ETF1: variants seen among roughly 807,000 people sequenced by gnomAD.
ETF1 encodes the protein eukaryotic peptide chain release factor subunit 1.
ETF1 carries 4 observed loss-of-function variants against 55.1 expected under a neutral mutation model. That is an observed-to-expected ratio of 0.07 (90% CI 0.04 to 0.17). ETF1 has a LOEUF of 0.17. Ranked by LOEUF, ETF1 falls within the 10% of genes least tolerant of loss-of-function variation. ETF1 has a pLI of 1.00. For missense variants in ETF1, 142 were observed against 523.6 expected (o/e 0.27, Z 7.11); for synonymous variants, 157 against 182.3 (o/e 0.86, Z 1.12).
chr5:138,507,318 T>C lies in ETF1; in HGVS notation c.*987A>G, dbSNP rs1375084545. On this transcript the variant is annotated 3_prime_UTR_variant, in exon 11 of 11. Transcript: ENST00000360541. ...GTCGTTCCTGTGAAAAACCTTGCAGTTCATTTTAATAAATCAAAACATTCA... is the reference window on the plus strand; with the variant it reads ...GTCGTTCCTGTGAAAAACCTTGCAGCTCATTTTAATAAATCAAAACATTCA... 2 of 152,626 alleles carry C rather than the reference T, an allele frequency of 1.3e-5. No individual in the cohort carries two copies. Among genetic ancestry groups the C allele is most frequent in the African/African-American group, 2.4e-5 (1 of 41,438 alleles). 9.5% of individuals were successfully genotyped at this position (152,626 alleles called of 1,614,324 possible).
intron 2 of ETF1, among the ~76,000 whole-genome samples, chr5:138,538,668 G>C (rs62382405): frequency 6.6e-6 from 1 of 150,592 alleles, no homozygotes; most frequent in South Asian, 2.1e-4. Flanking sequence ...ACGATAGTGA[G>C]GGAAAAAAAA....
rs556911932 is a variant in ETF1, at chr5:138,534,163, A to C, written c.86+8670T>G. On this transcript the variant is annotated intron_variant, in intron 2 of 10. Transcript: ENST00000360541. ...GGGTACAGAATAACTCAGATGTCCA[A>C]ACATTTTCAGAATAAAGTTCACAAA... 2.3e-4 allele frequency among the ~76,000 whole-genome samples: 35 copies of C among 152,328 alleles called. 1 individual carries two copies. Among genetic ancestry groups the C allele is most frequent in the Admixed American group, 1.6e-3 (25 of 15,304 alleles).
intron 5 of ETF1, 152 bp downstream of exon 5, chr5:138,513,416 G>T (rs1049858363): frequency 5.6e-5 from 43 of 765,518 alleles, no homozygotes; most frequent in Middle Eastern, 4.1e-4. Context: ...GACAGGGCCG[G>T]GCTGGTCTCG....
At chr5:138,521,945 G>A (rs1765250046) in intron 2 of ETF1, among the ~76,000 whole-genome samples, 1 of 152,158 alleles carries the variant, frequency 6.6e-6, no homozygotes, top group Non-Finnish European at 1.5e-5. Context: ...TTTCAAAAAG[G>A]ATTCCTGTAA....
chr5:138,512,256 A>ATTTT (rs1554137507), intron 6 of ETF1, among the ~76,000 whole-genome samples: 7 of 18,880 alleles, frequency 3.7e-4, no homozygotes, highest in Admixed American at 3.3e-3. Context: ...ATATATATAT[A>ATTTT]TATTTTTTTT....
At chr5:138,541,730 T>G in intron 2 of ETF1, 9 of 790,090 alleles carry the variant, frequency 1.1e-5, no homozygotes, top group Non-Finnish European at 1.5e-5. Context: ...TGCTCAGACA[T>G]ACAAGTATGT....
intron 2 of ETF1, among the ~76,000 whole-genome samples, chr5:138,536,189 A>T (rs1467879019): frequency 6.6e-6 from 1 of 152,236 alleles, no homozygotes; most frequent in Non-Finnish European, 1.5e-5. Context: ...GGTCACAGAC[A>T]CAGCAGGAAA....
chr5:138,523,250 T>C (rs529656122), intron 2 of ETF1, among the ~76,000 whole-genome samples: 19 of 151,612 alleles, frequency 1.3e-4, no homozygotes, highest in African/African-American at 3.6e-4. Flanking sequence ...GCCTGTAATC[T>C]CAGCTACTCA....
Position 138,518,689 on chromosome 5 carries a change from T to C in ETF1, c.262+3A>G. ...GAAGGAAAAGGAGCAAACTCCAGAT[T>C]ACCTTTGTTATAAAGTTTGAGTCTT... is the stretch of plus-strand genomic sequence containing the variant. On this transcript the variant is annotated splice_donor_region_variant and intron_variant, in intron 3 of 10. Transcript: ENST00000360541. The C allele has an allele frequency of 1.2e-6, 2 of 1,610,856 alleles. No homozygotes were observed. The highest frequency in any genetic ancestry group is 1.7e-6 in the Non-Finnish European group (2 of 1,177,510).
At chr5:138,529,657 G>T (rs765887479) in intron 2 of ETF1, 213 of 985,058 alleles carry the variant, frequency 2.2e-4, no homozygotes, top group Non-Finnish European at 2.5e-4. Context: ...TTTCATCAAT[G>T]CTTCGCCCAG....
At position 138,543,159 on chromosome 5, in the gene ETF1, C is replaced by T; in HGVS notation, c.-81G>A. The T allele has an allele frequency of 1.7e-6, 1 of 576,886 alleles. No individual in the cohort carries two copies. The highest frequency in any genetic ancestry group is 3.1e-6 in the Non-Finnish European group (1 of 327,536). The allele number at this position is 576,886 out of a possible 1,614,324, so 35.7% of individuals were successfully genotyped here. On this transcript the variant is annotated 5_prime_UTR_variant, in exon 1 of 11. Coordinates refer to ENST00000360541, the MANE Select transcript of ETF1 (RefSeq NM_004730.4). ...CCCGGCGGCGGCTCCGCGGCGGCGG[C>T]GGCTCTGACGTAGGACACCGGCTCC... is the stretch of plus-strand genomic sequence containing the variant.
intron 9 of ETF1, among the ~76,000 whole-genome samples, chr5:138,510,357 C>CAAAAAAAAAAAAAA (rs57906231): frequency 1.4e-4 from 9 of 64,804 alleles, no homozygotes; most frequent in African/African-American, 5.4e-4. Flanking sequence ...GACCTTGTCT[C>CAAAAAAAAAAAAAA]AAAAAAAAAA....
chr5:138,524,578 G>GTTTT lies in ETF1; in HGVS notation c.87-5715_87-5712dup, dbSNP rs1201498667. Among the ~76,000 whole-genome samples the GTTTT allele has an allele frequency of 2.0e-4, 26 of 132,998 alleles. 7 individuals carry two copies. Among genetic ancestry groups the GTTTT allele is most frequent in the Admixed American group, 3.8e-4 (5 of 13,070 alleles). 87.3% of individuals were successfully genotyped at this position (132,998 alleles called of 152,430 possible). ...TTAAAAAAAAAAAAAATTTCTTTCC[G>GTTTT]TTTTTTGTTTTTTTTTTTGAGACAG... On this transcript the variant is annotated intron_variant, in intron 2 of 10. Transcript: ENST00000360541.
At chr5:138,522,023 A>G (rs1283872028) in intron 2 of ETF1, among the ~76,000 whole-genome samples, 1 of 152,170 alleles carries the variant, frequency 6.6e-6, no homozygotes, top group African/African-American at 2.4e-5. Context: ...ACTATTTAAA[A>G]TATTAGATGA....
chr5:138,512,600 G>A (rs2127070965), intron 6 of ETF1, 164 bp downstream of exon 6: 2 of 552,408 alleles, frequency 3.6e-6, no homozygotes, highest in South Asian at 5.8e-5. Flanking sequence ...GAAAAGCACA[G>A]GGGAATGTTT....
intron 2 of ETF1, among the ~76,000 whole-genome samples, chr5:138,535,834 C>T: frequency 7.8e-6 from 1 of 127,922 alleles, no homozygotes; most frequent in South Asian, 2.5e-4. Context: ...GAGATCGCAC[C>T]ACTGCACTCA....
rs747982310 is a variant in ETF1 at position 138,511,389 on chromosome 5, T to TAC, written c.862+84_862+85dup. The TAC allele has an allele frequency of 3.7e-4, 523 of 1,412,022 alleles. 3 individuals carry two copies. In the African/African-American group the frequency reaches 7.9e-3, roughly 21 times the overall value. The allele number at this position is 1,412,022 out of a possible 1,614,324, so 87.5% of individuals were successfully genotyped here. On this transcript the variant is annotated intron_variant, in intron 7 of 10. Transcript: ENST00000360541. ...TGTCTCATACATACAATCACGTACA[T>TAC]ACACACACACACATACACACACACA...
intron 2 of ETF1, chr5:138,541,567 C>A: frequency 6.5e-7 from 1 of 1,535,238 alleles, no homozygotes; most frequent in Non-Finnish European, 8.7e-7. Flanking sequence ...TTTCATATAA[C>A]AGTAATAATG....
chr5:138,526,267 G>C (rs1288479390), intron 2 of ETF1, among the ~76,000 whole-genome samples: 1 of 152,144 alleles, frequency 6.6e-6, no homozygotes, highest in East Asian at 1.9e-4. Flanking sequence ...TACGTGTTAA[G>C]TGACTAGTAA....
Sources: gnomAD v4.1 joint callset for allele counts (sites outside exome capture counted in the v4.1 genomes callset) on GRCh38, gnomAD v4.1.1 for gene constraint, MANE v1.5 for transcripts, NCBI Gene and HGNC (gene_info 2026-07-23, HGNC 2026-07-21) for gene names.